TRPM3: variants seen among roughly 807,000 people sequenced by gnomAD.
TRPM3 encodes transient receptor potential cation channel subfamily M member 3, also known as long transient receptor potential channel 3.
In TRPM3, 77 loss-of-function variants were observed where a neutral mutation model predicts 181.2. The observed-to-expected ratio is 0.42, with a 90% CI of 0.35 to 0.51. The LOEUF is 0.51. Ranked by LOEUF, TRPM3 falls within the 20% of genes least tolerant of loss-of-function variation. The pLI is 0.01. For synonymous variants in TRPM3, 745 were observed against 796.4 expected, an observed-to-expected ratio of 0.94 and a Z score of 1.09; for missense variants, 1,759 against 2,196.7, an observed-to-expected ratio of 0.80 and a Z score of 3.98.
intron 1 of TRPM3, among the ~76,000 whole-genome samples, chr9:71,401,800 G>A (rs570155667): frequency 2.0e-5 from 3 of 151,892 alleles, no homozygotes; most frequent in Non-Finnish European, 4.4e-5. Flanking sequence ...ATCAGCCTCA[G>A]ATTTCTAAGC....
rs964651467 is a variant in TRPM3, at chr9:70,780,779, A to G, written c.1148+3326T>C. 7.9e-5 allele frequency among the ~76,000 whole-genome samples: 12 copies of G among 152,186 alleles called. No individual in the cohort carries two copies. The East Asian group carries it at 1.2e-3, about 15-fold the overall frequency. ...CATAACACTACATATAAAATACAAA[A>G]CTTCTCTTTAGACTTCTATTTTCTT... On this transcript the variant is annotated intron_variant, in intron 7 of 25. Transcript: ENST00000677713.
At chr9:71,351,379 C>T in intron 1 of TRPM3, among the ~76,000 whole-genome samples, 1 of 152,168 alleles carries the variant, frequency 6.6e-6, no homozygotes, top group East Asian at 1.9e-4. Context: ...CCTTATTACA[C>T]ACTTCTTTCT....
chr9:70,881,345 A>G (rs754536021), intron 1 of TRPM3, among the ~76,000 whole-genome samples: 2 of 152,122 alleles, frequency 1.3e-5, no homozygotes, highest in African/African-American at 2.4e-5. Context: ...TTCGGATTAC[A>G]AAAGCACGAT....
intron 1 of TRPM3, among the ~76,000 whole-genome samples, chr9:70,925,108 T>C (rs1362501283): frequency 6.6e-6 from 1 of 152,194 alleles, no homozygotes; most frequent in African/African-American, 2.4e-5. Context: ...TTGGCTAACA[T>C]GTATAGCCCT....
chr9:71,309,373 T>C (rs1284716863), intron 1 of TRPM3, among the ~76,000 whole-genome samples: 4 of 152,184 alleles, frequency 2.6e-5, no homozygotes, highest in African/African-American at 9.6e-5. Context: ...CTAATATTTT[T>C]TCCAGAAGGA....
intron 1 of TRPM3, among the ~76,000 whole-genome samples, chr9:70,878,799 G>A (rs2095922310): frequency 6.6e-6 from 1 of 152,044 alleles, no homozygotes; most frequent in Non-Finnish European, 1.5e-5. Context: ...TAGCATCTGA[G>A]AACTTGTTAG....
chr9:70,950,143 A>G (rs1327659421), intron 1 of TRPM3, among the ~76,000 whole-genome samples: 1 of 152,202 alleles, frequency 6.6e-6, no homozygotes, highest in Middle Eastern at 3.2e-3. Context: ...TAGTATTGCA[A>G]TTTCTAGCAA....
intron 22 of TRPM3, among the ~76,000 whole-genome samples, chr9:70,567,711 T>G (rs2051008512): frequency 6.6e-6 from 1 of 151,512 alleles, no homozygotes; most frequent in Non-Finnish European, 1.5e-5. Flanking sequence ...GAAAACAAGT[T>G]GGGCTTTTTC....
chr9:70,615,285 A>G (rs2062612714), intron 18 of TRPM3, among the ~76,000 whole-genome samples: 1 of 152,196 alleles, frequency 6.6e-6, no homozygotes, highest in Non-Finnish European at 1.5e-5. Context: ...ACAGAATGTG[A>G]TATTTTTAGC....
chr9:70,546,301 G>A (rs1200090326), intron 25 of TRPM3, among the ~76,000 whole-genome samples: 5 of 152,126 alleles, frequency 3.3e-5, no homozygotes, highest in East Asian at 1.9e-4. Flanking sequence ...TTTTAGAAGT[G>A]CAATTTTCAG....
chr9:71,295,541 T>C (rs1363536186), intron 1 of TRPM3, among the ~76,000 whole-genome samples: 1 of 151,824 alleles, frequency 6.6e-6, no homozygotes, highest in Non-Finnish European at 1.5e-5. Flanking sequence ...CTCTGAAATT[T>C]AAATGCTGCC....
At chr9:71,299,719 AACTT>A (rs2086607239) in intron 1 of TRPM3, among the ~76,000 whole-genome samples, 1 of 152,124 alleles carries the variant, frequency 6.6e-6, no homozygotes, top group Admixed American at 6.6e-5. Context: ...TTGGCAAACA[AACTT>A]TGTATCTTAT....
At position 71,002,471 on chromosome 9, in the gene TRPM3, T is replaced by G. The variant is rs76426138; in HGVS notation, c.177+118707A>C. Among the ~76,000 whole-genome samples the G allele has an allele frequency of 6.0e-3, 919 of 152,328 alleles. 3 individuals are homozygous for G. The highest frequency in any genetic ancestry group is 9.0e-3 in the Non-Finnish European group (614 of 68,030). ...AAGAAATGAAAGACCGAGTTTAATA[T>G]GCACAACACAATTATTTTACATTGA... On this transcript the variant is annotated intron_variant, in intron 1 of 25. Coordinates refer to ENST00000677713, the MANE Select transcript of TRPM3 (RefSeq NM_001366145.2).
At chr9:71,015,966 G>A (rs1002332412) in intron 1 of TRPM3, among the ~76,000 whole-genome samples, 10 of 152,034 alleles carry the variant, frequency 6.6e-5, no homozygotes, top group Non-Finnish European at 1.5e-4. Context: ...GGAGGCCGAG[G>A]GAGGCGGATC....
At chr9:70,578,419 G>A (rs559373362) in intron 22 of TRPM3, among the ~76,000 whole-genome samples, 1 of 152,184 alleles carries the variant, frequency 6.6e-6, no homozygotes, top group South Asian at 2.1e-4. Context: ...TAAATCATAG[G>A]TTAAGGCCTC....
Position 71,095,270 on chromosome 9 carries a change from G to A in TRPM3, c.177+25908C>T, listed in dbSNP as rs866653372. 7.2e-5 allele frequency among the ~76,000 whole-genome samples: 11 copies of A among 152,230 alleles called. No individual in the cohort carries two copies. In the South Asian group the frequency reaches 2.3e-3, roughly 32 times the overall value. ...TTTGCTTATTAAATGAACGCAGAAG[G>A]GGTAAAACTGACTCCGTCGTCATGT... On this transcript the variant is annotated intron_variant, in intron 1 of 25. Coordinates refer to ENST00000677713, the MANE Select transcript of TRPM3 (RefSeq NM_001366145.2).
intron 1 of TRPM3, among the ~76,000 whole-genome samples, chr9:71,079,237 A>G (rs1377660805): frequency 6.6e-6 from 1 of 152,214 alleles, no homozygotes; most frequent in Admixed American, 6.5e-5. Context: ...AATGCACAAG[A>G]TGAGAAAACA....
At chr9:70,857,255 G>C (rs908041412) in intron 3 of TRPM3, among the ~76,000 whole-genome samples, 3 of 152,112 alleles carry the variant, frequency 2.0e-5, no homozygotes, top group African/African-American at 7.2e-5. Context: ...TTAACAGGAA[G>C]TCAGAATCCT....
At chr9:71,105,209 T>G (rs2069236112) in intron 1 of TRPM3, among the ~76,000 whole-genome samples, 1 of 152,220 alleles carries the variant, frequency 6.6e-6, no homozygotes, top group African/African-American at 2.4e-5. Flanking sequence ...GAGTGCATAT[T>G]GTATGACTTG....
Sources: allele counts gnomAD v4.1 joint callset (sites outside exome capture counted in the v4.1 genomes callset), GRCh38; gene constraint gnomAD v4.1.1; transcripts MANE v1.5; gene names NCBI Gene and HGNC (gene_info 2026-07-23, HGNC 2026-07-21).